The following GRM7 variants were observed in gnomAD, a reference collection of about 807,000 sequenced individuals.
GRM7 encodes metabotropic glutamate receptor 7.
In GRM7, 35 loss-of-function variants were observed where a neutral mutation model predicts 84.5. The observed-to-expected ratio is 0.41, with a 90% CI of 0.32 to 0.55. The LOEUF is 0.55. GRM7 is among the 20% of genes least tolerant of loss of function. The pLI is 0.19. For synonymous variants in GRM7, 487 were observed against 455.1 expected, an observed-to-expected ratio of 1.07 and a Z score of -0.89; for missense variants, 1,003 against 1,194.6, an observed-to-expected ratio of 0.84 and a Z score of 2.36.
At chr3:7,473,489 G>GGGGAGAGAGAGAGAGAGA (rs1553603707) in intron 7 of GRM7, among the ~76,000 whole-genome samples, 3 of 126,432 alleles carry the variant, frequency 2.4e-5, no homozygotes, top group Non-Finnish European at 4.9e-5. Context: ...AAAACGAGAG[G>GGGGAGAGAGAGAGAGAGA]GAGAGAGAGA....
At chr3:6,879,576 A>G (rs1029496734) in intron 1 of GRM7, among the ~76,000 whole-genome samples, 1 of 152,214 alleles carries the variant, frequency 6.6e-6, no homozygotes, top group Non-Finnish European at 1.5e-5. Flanking sequence ...AGATGAGTGG[A>G]CATAAAAATA....
rs192346243 is a variant in GRM7, at chr3:7,332,848, G to A, written c.1033+26196G>A. Among the ~76,000 whole-genome samples, 539 of 151,660 alleles carry A rather than the reference G, an allele frequency of 3.6e-3. 6 individuals carry two copies. The highest frequency in any genetic ancestry group is 0.013 in the African/African-American group (527 of 41,122). On this transcript the variant is annotated intron_variant, in intron 4 of 9. Transcript: ENST00000357716. ...TCTGAGCTCTGAACTGCCTAACCCTGCCCCTACTGGATGGATGGTTTTTTC... is the reference window on the plus strand; with the variant it reads ...TCTGAGCTCTGAACTGCCTAACCCTACCCCTACTGGATGGATGGTTTTTTC...
intron 1 of GRM7, among the ~76,000 whole-genome samples, chr3:7,036,276 T>A (rs1696382488): frequency 6.6e-6 from 1 of 152,162 alleles, no homozygotes; most frequent in African/African-American, 2.4e-5. Context: ...GAGGAAAGAA[T>A]AAGAAACATC....
rs374520575 is a variant in GRM7 at position 7,061,510 on chromosome 3, T to C, written c.520-84942T>C. Among the ~76,000 whole-genome samples the C allele has an allele frequency of 1.4e-4, 22 of 151,878 alleles. No homozygotes were observed. The South Asian group carries it at 4.6e-3, about 31-fold the overall frequency. On this transcript the variant is annotated intron_variant, in intron 1 of 9. Coordinates refer to ENST00000357716, the MANE Select transcript of GRM7 (RefSeq NM_000844.4). ...CCCGGAGTTGACTGTTTGTAGCCAT[T>C]GTACCTAGCAATTAAGATCTGGAAA...
chr3:7,344,750 G>T (rs1256293404), intron 4 of GRM7, among the ~76,000 whole-genome samples: 1 of 152,092 alleles, frequency 6.6e-6, no homozygotes, highest in African/African-American at 2.4e-5. Context: ...GTAGAATAGT[G>T]GATACTTGAG....
intron 9 of GRM7, among the ~76,000 whole-genome samples, chr3:7,713,795 C>CTTTTTTTTTTTTTTTTTTTTTTTT: frequency 1.5e-5 from 1 of 64,744 alleles, no homozygotes; most frequent in Non-Finnish European, 3.0e-5. Flanking sequence ...CGGATGCTTT[C>CTTTTTTTTTTTTTTTTTTTTTTTT]TTTTTTTTTT....
At chr3:7,645,938 T>TCTG (rs141028200) in intron 8 of GRM7, among the ~76,000 whole-genome samples, 4,863 of 152,226 alleles carry the variant, frequency 0.032, 273 homozygotes, top group African/African-American at 0.11. Context: ...TTGGGGAGCG[T>TCTG]CTGTTTGGTT....
intron 4 of GRM7, among the ~76,000 whole-genome samples, chr3:7,358,951 C>CAGATAAAAAATAATTGGGGT (rs1433695377): frequency 3.8e-4 from 48 of 127,480 alleles, no homozygotes; most frequent in African/African-American, 7.6e-4. Context: ...AACCCTGTCT[C>CAGATAAAAAATAATTGGGGT]TACTAAAAAT....
intron 7 of GRM7, among the ~76,000 whole-genome samples, chr3:7,532,668 G>T (rs542666221): frequency 1.8e-4 from 28 of 151,700 alleles, no homozygotes; most frequent in Non-Finnish European, 3.7e-4. Context: ...GCTAGCTTTT[G>T]AATTTGTTTG....
chr3:7,464,879 C>T (rs1470771355), intron 7 of GRM7, among the ~76,000 whole-genome samples: 1 of 151,284 alleles, frequency 6.6e-6, no homozygotes, highest in East Asian at 1.9e-4. Context: ...ACCTGTAATC[C>T]CAACTACTTG....
Position 7,108,565 on chromosome 3 carries a change from C to G in GRM7, c.520-37887C>G, listed in dbSNP as rs192352053. On this transcript the variant is annotated intron_variant, in intron 1 of 9. Coordinates refer to ENST00000357716, the MANE Select transcript of GRM7 (RefSeq NM_000844.4). Reference sequence around the variant, plus strand: ...AGTTTTCTGCTGCTCTGTCATCGTACACTCTTTTCTCTGTGTCTCACGTTC... The same window carrying G: ...AGTTTTCTGCTGCTCTGTCATCGTAGACTCTTTTCTCTGTGTCTCACGTTC... 1.6e-3 allele frequency among the ~76,000 whole-genome samples: 241 copies of G among 150,850 alleles called. 1 individual carries two copies. The highest frequency in any genetic ancestry group is 5.4e-3 in the African/African-American group (223 of 41,024).
chr3:7,553,197 T>C (rs887479239), intron 7 of GRM7, among the ~76,000 whole-genome samples: 1 of 152,208 alleles, frequency 6.6e-6, no homozygotes, highest in African/African-American at 2.4e-5. Flanking sequence ...TGCTAAAGCA[T>C]AGCAAGGGTC....
At chr3:7,266,008 C>G (rs562831750) in intron 2 of GRM7, among the ~76,000 whole-genome samples, 20 of 152,068 alleles carry the variant, frequency 1.3e-4, no homozygotes, top group Non-Finnish European at 2.2e-4. Flanking sequence ...GTGTCTTAAT[C>G]CCGATTTCAG....
chr3:7,330,321 C>T (rs1175694745), intron 4 of GRM7, among the ~76,000 whole-genome samples: 1 of 152,104 alleles, frequency 6.6e-6, no homozygotes, highest in Non-Finnish European at 1.5e-5. Flanking sequence ...GACTTTCTGT[C>T]CCTGGAAGAA....
At chr3:7,734,107 T>C (rs1702419032) in intron 9 of GRM7, among the ~76,000 whole-genome samples, 1 of 152,206 alleles carries the variant, frequency 6.6e-6, no homozygotes, top group African/African-American at 2.4e-5. Flanking sequence ...TCTAAGGTTA[T>C]CTAGGCTGAT....
chr3:7,608,751 G>GTGAT (rs1452112069), intron 8 of GRM7, among the ~76,000 whole-genome samples: 1 of 152,052 alleles, frequency 6.6e-6, no homozygotes, highest in Non-Finnish European at 1.5e-5. Flanking sequence ...TGCTTTTGTC[G>GTGAT]TGATTGCTTT....
At chr3:6,994,506 A>G (rs1559373011) in intron 1 of GRM7, among the ~76,000 whole-genome samples, 1 of 152,200 alleles carries the variant, frequency 6.6e-6, no homozygotes, top group Non-Finnish European at 1.5e-5. Context: ...TACTTTCTAA[A>G]CTGACCCTAT....
At chr3:7,564,639 G>A (rs926436517) in intron 7 of GRM7, among the ~76,000 whole-genome samples, 3 of 152,086 alleles carry the variant, frequency 2.0e-5, no homozygotes, top group African/African-American at 7.2e-5. Context: ...TTGACCGTTG[G>A]AGCCATAATA....
At chr3:7,529,055 A>G (rs183223529) in intron 7 of GRM7, among the ~76,000 whole-genome samples, 1 of 152,106 alleles carries the variant, frequency 6.6e-6, no homozygotes, top group African/African-American at 2.4e-5. Context: ...AAACTTAAGA[A>G]CTTTTTTGTT....
Sources: allele counts gnomAD v4.1 joint callset (sites outside exome capture counted in the v4.1 genomes callset), GRCh38; gene constraint gnomAD v4.1.1; transcripts MANE v1.5; gene names NCBI Gene and HGNC (gene_info 2026-07-23, HGNC 2026-07-21).